Variants in VCPIP1 observed in about 807,000 individuals in gnomAD.
The protein encoded by VCPIP1 is deubiquitinating protein VCPIP1.
VCPIP1 carries 8 observed loss-of-function variants against 85.0 expected under a neutral mutation model. The ratio of observed to expected loss-of-function variants is 0.09; its 90% CI spans 0.06 to 0.17. The LOEUF (loss-of-function observed/expected upper bound fraction) is 0.17, where lower values mean the gene tolerates loss of function less well. Ranked by LOEUF, VCPIP1 falls within the 10% of genes least tolerant of loss-of-function variation. VCPIP1 has a pLI of 1.00. For missense variants in VCPIP1, 1,070 were observed against 1,486.3 expected, an observed-to-expected ratio of 0.72 and a Z score of 4.61; for synonymous variants, 543 against 544.5, an observed-to-expected ratio of 1.00 and a Z score of 0.04.
chr8:66,659,689 T>C (rs1224095500), intron 1 of VCPIP1, among the ~76,000 whole-genome samples: 1 of 152,164 alleles, frequency 6.6e-6, no homozygotes, highest in Non-Finnish European at 1.5e-5. Context: ...CCTAGCACTT[T>C]GGGAAGCCGA....
At chr8:66,637,263 A>C (rs543345946) in intron 2 of VCPIP1, among the ~76,000 whole-genome samples, 9 of 152,202 alleles carry the variant, frequency 5.9e-5, no homozygotes, top group African/African-American at 2.2e-4. Flanking sequence ...AGGCAGGAGG[A>C]TCACTGAGCT....
Position 66,666,852 on chromosome 8 carries a change from A to G in VCPIP1, c.107T>C (p.Leu36Pro). 6.2e-7 allele frequency: 1 copy of G among 1,613,222 alleles called. No individual in the cohort carries two copies. The highest frequency in any genetic ancestry group is 1.7e-4 in the Middle Eastern group (1 of 6,032). The stretch of plus-strand genomic sequence containing the variant: ...GATTCTCCGGTCTCTCCGCTTCAAA[A>G]GCCCCCCCGAAGCAGCCGCCGACGC... ...SLASAAASGG[L>P]LKRRDRRILS... The change falls in exon 1 of 3, where the codon CTT (leucine) becomes CCT (proline). Residue 36 changes from leucine (L) to proline (P), a missense_variant. This residue lies in a region of VCPIP1 where 164 missense variants were observed against 158.6 expected (regional missense o/e 1.03). Transcript: ENST00000310421. The surrounding 1 kb of genome is among the most constrained non-coding windows in gnomAD (Gnocchi z 6.3).
chr8:66,667,210 T>C lies in VCPIP1; in HGVS notation c.-252A>G. The C allele has an allele frequency of 1.5e-6, 1 of 660,036 alleles. No individual in the cohort carries two copies. Among genetic ancestry groups the C allele is most frequent in the Non-Finnish European group, 2.4e-6 (1 of 425,070 alleles). The allele number at this position is 660,036 out of a possible 1,614,324, so 40.9% of individuals were successfully genotyped here. The stretch of plus-strand genomic sequence containing the variant: ...ACCCCGCACTCACACTCACTCACTC[T>C]CGCTCTCTCTCCCTCAGACACAGAC... On this transcript the variant is annotated 5_prime_UTR_variant, in exon 1 of 3. Transcript: ENST00000310421.
At position 66,664,929 on chromosome 8, in the gene VCPIP1, C is replaced by T; in HGVS notation, c.2030G>A (p.Gly677Glu). 6.2e-7 allele frequency: 1 copy of T among 1,614,152 alleles called. No homozygotes were observed. Among genetic ancestry groups the T allele is most frequent in the African/African-American group, 1.3e-5 (1 of 75,036 alleles). Reference protein sequence around the residue: ...NIDGAHAQRVGDVQGQESESQ... With the variant: ...NIDGAHAQRVEDVQGQESESQ... Reference sequence around the variant, plus strand: ...CTCTGATTCTTGTCCTTGAACATCTCCAACTCTTTGGGCGTGAGCACCATC... The same window carrying T: ...CTCTGATTCTTGTCCTTGAACATCTTCAACTCTTTGGGCGTGAGCACCATC... The change falls in exon 1 of 3, where the codon GGA becomes GAA. Residue 677 changes from glycine (G) to glutamate (E), a missense_variant. This residue lies in a region of VCPIP1 where 278 missense variants were observed against 298.5 expected (regional missense o/e 0.93). Coordinates refer to ENST00000310421, the MANE Select transcript of VCPIP1 (RefSeq NM_025054.5).
Position 66,632,157 on chromosome 8 carries a change from C to G in VCPIP1, c.*2344G>C, listed in dbSNP as rs1391240428. On this transcript the variant is annotated 3_prime_UTR_variant, in exon 3 of 3. Coordinates refer to ENST00000310421, the MANE Select transcript of VCPIP1 (RefSeq NM_025054.5). ...ACAAATGGCAGTACTAGAAAAATAA[C>G]CATGCTATAGTCATGTATTTGGTTA... 6.6e-6 allele frequency: 1 copy of G among 150,384 alleles called. No homozygotes were observed. Among genetic ancestry groups the G allele is most frequent in the African/African-American group, 2.4e-5 (1 of 40,954 alleles). 9.3% of individuals were successfully genotyped at this position (150,384 alleles called of 1,614,324 possible).
intron 1 of VCPIP1, among the ~76,000 whole-genome samples, chr8:66,658,032 C>T (rs768382080): frequency 6.6e-6 from 1 of 152,044 alleles, no homozygotes; most frequent in Non-Finnish European, 1.5e-5. Flanking sequence ...TATCAGAAGG[C>T]ATAGAAAGAA....
rs753787847 is a variant in VCPIP1, at chr8:66,666,881, G to A, written c.78C>T (p.Ser26=). ...PPPEAPQTPS[S]LASAAASGGL... is the part of the protein sequence containing the mutation. Reference sequence around the variant, plus strand: ...CCCCCGAAGCAGCCGCCGACGCCAAGGACGACGGAGTCTGTGGAGCCTCAG... The same window carrying A: ...CCCCCGAAGCAGCCGCCGACGCCAAAGACGACGGAGTCTGTGGAGCCTCAG... Residue 26 remains serine, a synonymous_variant, in exon 1 of 3, where the codon TCC becomes TCT. Coordinates refer to ENST00000310421, the MANE Select transcript of VCPIP1 (RefSeq NM_025054.5). This position sits in a 1 kb window ranked among gnomAD's most constrained non-coding sequence, Gnocchi z 6.3. 1 of 1,612,742 alleles carries A rather than the reference G, an allele frequency of 6.2e-7. No homozygotes were observed. The highest frequency in any genetic ancestry group is 2.2e-5 in the East Asian group (1 of 44,872).
Position 66,630,868 on chromosome 8 carries a change from C to T in VCPIP1, c.*3633G>A, listed in dbSNP as rs1810828332. ...AACTTACATGGGTGATATAGTTCCC[C>T]TTTGTTGTTTTATTTCTTAAATATA... is the stretch of plus-strand genomic sequence containing the variant. On this transcript the variant is annotated 3_prime_UTR_variant, in exon 3 of 3. Coordinates refer to ENST00000310421, the MANE Select transcript of VCPIP1 (RefSeq NM_025054.5). 6.6e-6 allele frequency: 1 copy of T among 152,440 alleles called. No individual in the cohort carries two copies. Among genetic ancestry groups the T allele is most frequent in the Non-Finnish European group, 1.5e-5 (1 of 67,970 alleles). 9.4% of individuals were successfully genotyped at this position (152,440 alleles called of 1,614,324 possible).
At chr8:66,654,108 G>GT (rs1183658858) in intron 1 of VCPIP1, among the ~76,000 whole-genome samples, 1 of 152,230 alleles carries the variant, frequency 6.6e-6, no homozygotes, top group African/African-American at 2.4e-5. Context: ...CACACAGCTA[G>GT]TAAGTGGGAG....
Position 66,665,421 on chromosome 8 carries a change from T to C in VCPIP1, c.1538A>G (p.Asn513Ser), listed in dbSNP as rs1811198158. The part of the protein sequence containing the change: ...RTDKNYSFPL[N>S]NLVCSYDSVK... The stretch of plus-strand genomic sequence containing the variant: ...TGAATCATATGAGCAAACCAAATTG[T>C]TCAAGGGAAAGCTGTAATTTTTGTC... The change falls in exon 1 of 3, where the codon AAC (asparagine) becomes AGC (serine). Residue 513 changes from asparagine (N) to serine (S), a missense_variant. Physicochemically the swap from Asn to Ser is conservative, Grantham distance 46. Coordinates refer to ENST00000310421, the MANE Select transcript of VCPIP1 (RefSeq NM_025054.5). The surrounding 1 kb of genome is among the most constrained non-coding windows in gnomAD (Gnocchi z 4.3). 1 of 1,614,242 alleles carries C rather than the reference T, an allele frequency of 6.2e-7. No homozygotes were observed. The highest frequency in any genetic ancestry group is 8.5e-7 in the Non-Finnish European group (1 of 1,180,044).
chr8:66,639,321 C>CTTTTTTTTTTTTTTTTT (rs57563619), intron 2 of VCPIP1, among the ~76,000 whole-genome samples: 2 of 67,808 alleles, frequency 2.9e-5, no homozygotes, highest in Non-Finnish European at 4.8e-5. Flanking sequence ...TAATTTTATT[C>CTTTTTTTTTTTTTTTTT]TTTTTTTTTT....
At position 66,665,079 on chromosome 8, in the gene VCPIP1, A is replaced by G; in HGVS notation, c.1880T>C (p.Met627Thr). Reference sequence around the variant, plus strand: ...TGGAAAGTGCTTGGTAACAAGTTTCATTGCAACATCGTAAACATTACTATT... The same window carrying G: ...TGGAAAGTGCTTGGTAACAAGTTTCGTTGCAACATCGTAAACATTACTATT... ...SLNSNVYDVA[M>T]KLVTKHFPGE... Residue 627 changes from methionine to threonine, a missense_variant, in exon 1 of 3, where the codon ATG (methionine) becomes ACG (threonine). Physicochemically the swap from Met to Thr is moderately conservative, Grantham distance 81. Transcript: ENST00000310421. The surrounding 1 kb of genome is among the most constrained non-coding windows in gnomAD (Gnocchi z 4.3). 6.2e-7 allele frequency: 1 copy of G among 1,614,078 alleles called. No homozygotes were observed. The highest frequency in any genetic ancestry group is 8.5e-7 in the Non-Finnish European group (1 of 1,179,970).
In VCPIP1 at chr8:66,633,723, C is replaced by T. The variant is rs1047839702; in HGVS notation, c.*778G>A. 3.3e-5 allele frequency: 5 copies of T among 151,866 alleles called. No individual in the cohort carries two copies. The highest frequency in any genetic ancestry group is 9.7e-5 in the African/African-American group (4 of 41,314). The allele number at this position is 151,866 out of a possible 1,614,324, so 9.4% of individuals were successfully genotyped here. A position where few individuals can be genotyped will look rare whatever the true frequency, so the allele number is the denominator to read the frequency against. On this transcript the variant is annotated 3_prime_UTR_variant, in exon 3 of 3. Coordinates refer to ENST00000310421, the MANE Select transcript of VCPIP1 (RefSeq NM_025054.5). ...TACCATTATTTCTTTTTCTACCACACTTTGCAATCAACTTTTCTGCAAGAT... is the reference window on the plus strand; with the variant it reads ...TACCATTATTTCTTTTTCTACCACATTTTGCAATCAACTTTTCTGCAAGAT...
At chr8:66,663,081 G>T (rs1811172914) in intron 1 of VCPIP1, among the ~76,000 whole-genome samples, 1 of 145,464 alleles carries the variant, frequency 6.9e-6, no homozygotes. Context: ...CTCCAGCCTG[G>T]AGACAGAGCA....
intron 2 of VCPIP1, among the ~76,000 whole-genome samples, chr8:66,637,553 T>C (rs1041770092): frequency 7.3e-5 from 11 of 150,704 alleles, no homozygotes; most frequent in Admixed American, 4.0e-4. Context: ...CTAAGCATAA[T>C]TGTTTAGGGG....
intron 1 of VCPIP1, among the ~76,000 whole-genome samples, chr8:66,661,594 G>GGT (rs1244131309): frequency 6.6e-6 from 1 of 151,548 alleles, no homozygotes; most frequent in Non-Finnish European, 1.5e-5. Context: ...AAATTAGCCA[G>GGT]GTGTGGTGGC....
intron 2 of VCPIP1, among the ~76,000 whole-genome samples, chr8:66,640,334 G>C (rs1444012889): frequency 6.6e-6 from 1 of 152,114 alleles, no homozygotes; most frequent in Non-Finnish European, 1.5e-5. Context: ...CATCTCCTTT[G>C]ATCCTCACAA....
Position 66,665,179 on chromosome 8 carries a change from T to C in VCPIP1, c.1780A>G (p.Ile594Val), listed in dbSNP as rs755014990. The C allele has an allele frequency of 5.6e-6, 9 of 1,612,710 alleles. No homozygotes were observed. Among genetic ancestry groups the C allele is most frequent in the East Asian group, 2.2e-5 (1 of 44,866 alleles). ...EYDNLPEAFPITLEWGGRVVR... is the reference protein window; with the variant it reads ...EYDNLPEAFPVTLEWGGRVVR... ...ACTCTTCCACCCCATTCTAAAGTAA[T>C]AGGGAAAGCTTCTGGTAGATTGTCA... is the stretch of plus-strand genomic sequence containing the variant. The change falls in exon 1 of 3, where the codon ATT becomes GTT. Residue 594 changes from isoleucine (I) to valine (V), a missense_variant. Ile to Val is a conservative substitution (Grantham distance 29). Transcript: ENST00000310421. This position sits in a 1 kb window ranked among gnomAD's most constrained non-coding sequence, Gnocchi z 4.3.
At chr8:66,662,849 T>C (rs1811170612) in intron 1 of VCPIP1, among the ~76,000 whole-genome samples, 2 of 151,940 alleles carry the variant, frequency 1.3e-5, no homozygotes, top group African/African-American at 4.8e-5. Context: ...GGATTTGTAT[T>C]TAAGTACACT....
Sources: allele counts gnomAD v4.1 joint callset (sites outside exome capture counted in the v4.1 genomes callset), GRCh38; gene constraint gnomAD v4.1.1; regional missense constraint gnomAD v4.1.1; non-coding constraint Gnocchi (gnomAD v3.1); transcripts MANE v1.5; gene names NCBI Gene and HGNC (gene_info 2026-07-23, HGNC 2026-07-21).